Variants in OSBPL10 observed in about 807,000 individuals in gnomAD.
OSBPL10 encodes oxysterol-binding protein-related protein 10.
OSBPL10 carries 49 observed loss-of-function variants against 81.7 expected under a neutral mutation model. That is an observed-to-expected ratio of 0.60 (90% CI 0.48 to 0.76). OSBPL10 has a LOEUF of 0.76. Ranked by LOEUF, OSBPL10 falls within the 30% of genes least tolerant of loss-of-function variation. The probability of loss-of-function intolerance (pLI) is 0.00; values close to 1 mark genes in which losing one functional copy is unlikely to be tolerated. For synonymous variants in OSBPL10, 419 were observed against 383.6 expected (o/e 1.09, Z -1.08); for missense variants, 923 against 987.8 (o/e 0.93, Z 0.88).
chr3:32,055,270 C>T (rs1699700223), intron 1 of OSBPL10, among the ~76,000 whole-genome samples: 1 of 118,440 alleles, frequency 8.4e-6, no homozygotes, highest in Admixed American at 1.2e-4. Context: ...GTGGCGGGAT[C>T]TCGGCTCACT....
At chr3:32,058,195 C>G (rs1699727524) in intron 1 of OSBPL10, among the ~76,000 whole-genome samples, 1 of 152,128 alleles carries the variant, frequency 6.6e-6, no homozygotes, top group Admixed American at 6.5e-5. Flanking sequence ...GCCCTAATGT[C>G]TGCAACTTCA....
intron 7 of OSBPL10, among the ~76,000 whole-genome samples, chr3:31,689,086 C>T (rs547145490): frequency 1.3e-5 from 2 of 152,134 alleles, no homozygotes; most frequent in East Asian, 1.9e-4. Context: ...TTATTACTGC[C>T]CAAATTGTTT....
intron 3 of OSBPL10, among the ~76,000 whole-genome samples, chr3:31,855,949 T>C (rs903596099): frequency 2.0e-5 from 3 of 152,038 alleles, no homozygotes; most frequent in African/African-American, 7.2e-5. Context: ...CCTATTTAAG[T>C]ACAGATGTAT....
chr3:31,852,708 A>G lies in OSBPL10; in HGVS notation c.538-22477T>C, dbSNP rs1190793296. Among the ~76,000 whole-genome samples the G allele has an allele frequency of 3.3e-5, 5 of 152,020 alleles. No homozygotes were observed. The South Asian group carries it at 1.0e-3, about 32-fold the overall frequency. ...ATCCTCCTGCCTCAGCCTCCCAAGT[A>G]AGTGAGACTACAGGCACACGCCACC... On this transcript the variant is annotated intron_variant, in intron 3 of 11. Coordinates refer to ENST00000396556, the MANE Select transcript of OSBPL10 (RefSeq NM_017784.5).
At chr3:31,886,920 C>A (rs1183453757) in intron 1 of OSBPL10, among the ~76,000 whole-genome samples, 3 of 150,502 alleles carry the variant, frequency 2.0e-5, no homozygotes, top group Admixed American at 1.3e-4. Flanking sequence ...GCCTGGGTGA[C>A]AGAGTGAGAC....
chr3:31,813,822 G>A (rs1699769816), intron 4 of OSBPL10, among the ~76,000 whole-genome samples: 2 of 152,198 alleles, frequency 1.3e-5, no homozygotes, highest in African/African-American at 4.8e-5. Context: ...CAGTGGGGAT[G>A]AAATTTACTT....
At chr3:31,773,687 G>T (rs984948996) in intron 4 of OSBPL10, among the ~76,000 whole-genome samples, 10 of 152,086 alleles carry the variant, frequency 6.6e-5, no homozygotes, top group African/African-American at 2.4e-4. Flanking sequence ...GATTCGATTT[G>T]GAATAGGAAT....
chr3:31,920,641 T>TC (rs1249134623), intron 1 of OSBPL10, among the ~76,000 whole-genome samples: 1 of 152,190 alleles, frequency 6.6e-6, no homozygotes, highest in African/African-American at 2.4e-5. Context: ...ATCAGTCCCT[T>TC]CCAAATCTCA....
In OSBPL10 at chr3:32,032,046, G is replaced by A. The variant is rs575208542; in HGVS notation, n.298+14445C>T. On this transcript the variant is annotated intron_variant and non_coding_transcript_variant, in intron 2 of 3. Coordinates refer to the OSBPL10 transcript ENST00000479173. ...CATGCCTATAATTCCAGTACTTTGG[G>A]AGGCTGAGGCAGGAGGATTGCTGAA... Among the ~76,000 whole-genome samples, 232 of 152,274 alleles carry A rather than the reference G, an allele frequency of 1.5e-3. 2 individuals carry two copies. The highest frequency in any genetic ancestry group is 2.5e-3 in the Non-Finnish European group (168 of 68,022).
chr3:31,862,675 TA>T (rs925965210), intron 3 of OSBPL10, among the ~76,000 whole-genome samples: 1 of 152,048 alleles, frequency 6.6e-6, no homozygotes, highest in Non-Finnish European at 1.5e-5. Flanking sequence ...AATAAGCATA[TA>T]AAAAGAGACT....
intron 1 of OSBPL10, among the ~76,000 whole-genome samples, chr3:32,056,220 A>C (rs1699711760): frequency 6.6e-6 from 1 of 152,152 alleles, no homozygotes. Context: ...TTTTTTCTGC[A>C]ATTTAGACTC....
chr3:31,863,307 G>A lies in OSBPL10; in HGVS notation c.537+13126C>T, dbSNP rs1701102364. 2.6e-5 allele frequency among the ~76,000 whole-genome samples: 4 copies of A among 152,300 alleles called. No individual in the cohort carries two copies. In the South Asian group the frequency reaches 8.3e-4, roughly 32 times the overall value. ...GTGACTGACAGTTCATGGAAACAGG[G>A]AAACAGGGGATTTTTTTAGGAACGA... On this transcript the variant is annotated intron_variant, in intron 3 of 11. Transcript: ENST00000396556.
At chr3:31,783,975 A>G (rs1215487102) in intron 4 of OSBPL10, among the ~76,000 whole-genome samples, 3 of 150,978 alleles carry the variant, frequency 2.0e-5, no homozygotes, top group Non-Finnish European at 4.4e-5. Context: ...ATTCTTCTCT[A>G]TAAACCAAAT....
intron 2 of OSBPL10, among the ~76,000 whole-genome samples, chr3:31,992,960 G>A (rs2125524175): frequency 6.6e-6 from 1 of 152,190 alleles, no homozygotes; most frequent in African/African-American, 2.4e-5. Context: ...CTGTGATCAT[G>A]CCACTGCACT....
chr3:31,697,369 C>T (rs1695755169), intron 7 of OSBPL10, among the ~76,000 whole-genome samples: 1 of 129,502 alleles, frequency 7.7e-6, no homozygotes, highest in African/African-American at 3.1e-5. Flanking sequence ...TTCCAGATTG[C>T]ATAACCATGA....
chr3:31,940,352 T>C (rs574815040), intron 1 of OSBPL10, among the ~76,000 whole-genome samples: 4 of 152,306 alleles, frequency 2.6e-5, no homozygotes, highest in East Asian at 3.9e-4. Flanking sequence ...ATCATTTTCA[T>C]GAAATCTGAG....
At chr3:32,023,955 A>G (rs531753861) in intron 2 of OSBPL10, among the ~76,000 whole-genome samples, 1 of 152,326 alleles carries the variant, frequency 6.6e-6, no homozygotes, top group South Asian at 2.1e-4. Context: ...TTAAACCGAT[A>G]AACTGTTTAT....
intron 1 of OSBPL10, among the ~76,000 whole-genome samples, chr3:31,922,479 G>A (rs1034420254): frequency 6.6e-6 from 1 of 152,140 alleles, no homozygotes; most frequent in Non-Finnish European, 1.5e-5. Flanking sequence ...TTAGCTGGGT[G>A]TGGTGGAGCG....
At chr3:31,949,342 G>T (rs1033312724) in intron 1 of OSBPL10, among the ~76,000 whole-genome samples, 1 of 152,106 alleles carries the variant, frequency 6.6e-6, no homozygotes, top group African/African-American at 2.4e-5. Context: ...CCATTCTCAT[G>T]GAACAATTGT....
Sources: gnomAD v4.1 joint callset for allele counts (sites outside exome capture counted in the v4.1 genomes callset) on GRCh38, gnomAD v4.1.1 for gene constraint, MANE v1.5 for transcripts, NCBI Gene and HGNC (gene_info 2026-07-23, HGNC 2026-07-21) for gene names.